The following RUNDC3B variants were observed in gnomAD, a reference collection of about 807,000 sequenced individuals.
RUNDC3B encodes RUN domain containing 3B.
Under a neutral mutation model 58.4 loss-of-function variants are expected in RUNDC3B, and 33 were observed. That is an observed-to-expected ratio of 0.56 (90% CI 0.43 to 0.75). The LOEUF (loss-of-function observed/expected upper bound fraction) is 0.75, where lower values mean the gene tolerates loss of function less well. Among genes scored for constraint, RUNDC3B ranks in the 30% least tolerant of loss-of-function variants. RUNDC3B has a pLI of 0.00. For missense variants in RUNDC3B, 501 were observed against 535.7 expected (o/e 0.94, Z 0.64); for synonymous variants, 193 against 195.2 (o/e 0.99, Z 0.10).
At chr7:87,808,002 G>A (rs577343569) in intron 9 of RUNDC3B, among the ~76,000 whole-genome samples, 1 of 152,180 alleles carries the variant, frequency 6.6e-6, no homozygotes, top group East Asian at 1.9e-4. Flanking sequence ...CGATGTTCAG[G>A]ACTATTTCAT....
At chr7:87,790,768 C>T (rs772533711) in intron 8 of RUNDC3B, among the ~76,000 whole-genome samples, 1 of 151,800 alleles carries the variant, frequency 6.6e-6, no homozygotes, top group Non-Finnish European at 1.5e-5. Flanking sequence ...AACTCAAAGA[C>T]AGGCTATTTG....
rs760509531 is a variant in RUNDC3B, at chr7:87,832,087, A to C, written c.*2057A>C. On this transcript the variant is annotated 3_prime_UTR_variant, in exon 11 of 11. Transcript: ENST00000394654. ...CTGTTATAAAATCAGGTTTCTACAG[A>C]GTTCGTTTCACACTAAAGGTAGTTT... 1 of 151,850 alleles carries C rather than the reference A, an allele frequency of 6.6e-6. No homozygotes were observed. Among genetic ancestry groups the C allele is most frequent in the Non-Finnish European group, 1.5e-5 (1 of 67,880 alleles). The allele number at this position is 151,850 out of a possible 1,614,324, so 9.4% of individuals were successfully genotyped here. A position where few individuals can be genotyped will look rare whatever the true frequency, so the allele number is the denominator to read the frequency against.
intron 1 of RUNDC3B, among the ~76,000 whole-genome samples, chr7:87,649,862 A>G (rs1823401018): frequency 6.6e-6 from 1 of 152,142 alleles, no homozygotes; most frequent in South Asian, 2.1e-4. Flanking sequence ...ATAGTTTTAT[A>G]AAGGAGAGTT....
intron 2 of RUNDC3B, among the ~76,000 whole-genome samples, chr7:87,699,097 A>T (rs1828773594): frequency 6.6e-6 from 1 of 152,198 alleles, no homozygotes; most frequent in African/African-American, 2.4e-5. Flanking sequence ...CATGGTTTGG[A>T]ACCACTCAGA....
intron 2 of RUNDC3B, among the ~76,000 whole-genome samples, chr7:87,672,824 A>G (rs2157929): frequency 0.1 from 15,874 of 151,594 alleles, 1,045 homozygotes; most frequent in African/African-American, 0.18. Context: ...GCTCTGCGTT[A>G]CTCCTGGGTG....
At chr7:87,639,614 T>C (rs1822225885) in intron 1 of RUNDC3B, among the ~76,000 whole-genome samples, 1 of 152,168 alleles carries the variant, frequency 6.6e-6, no homozygotes, top group South Asian at 2.1e-4. Context: ...TCCTAGTAGT[T>C]TGATTCATTG....
intron 1 of RUNDC3B, among the ~76,000 whole-genome samples, chr7:87,637,693 GA>G (rs1228864850): frequency 6.6e-6 from 1 of 151,808 alleles, no homozygotes; most frequent in Non-Finnish European, 1.5e-5. Context: ...TGAAATCATT[GA>G]AAACTTTTCA....
chr7:87,670,609 TC>T (rs1356385695), intron 2 of RUNDC3B, among the ~76,000 whole-genome samples: 1 of 152,244 alleles, frequency 6.6e-6, no homozygotes, highest in Non-Finnish European at 1.5e-5. Context: ...GTGTGGGTGT[TC>T]CTTTATCTGC....
intron 3 of RUNDC3B, among the ~76,000 whole-genome samples, chr7:87,702,233 G>A (rs1585145048): frequency 7.0e-6 from 1 of 142,050 alleles, no homozygotes; most frequent in East Asian, 2.0e-4. Context: ...ATAAAAATGT[G>A]TTATTTATGT....
At chr7:87,647,899 G>T (rs1220509748) in intron 1 of RUNDC3B, among the ~76,000 whole-genome samples, 1 of 152,046 alleles carries the variant, frequency 6.6e-6, no homozygotes, top group Non-Finnish European at 1.5e-5. Context: ...AATGGAAAAT[G>T]ATAGGCCAGG....
intron 3 of RUNDC3B, among the ~76,000 whole-genome samples, chr7:87,708,937 A>C (rs190358858): frequency 7.0e-4 from 106 of 152,280 alleles, no homozygotes; most frequent in Admixed American, 1.2e-3. Flanking sequence ...TTATTTTTTC[A>C]TAAACCTTCA....
At chr7:87,700,612 T>G in intron 3 of RUNDC3B, 58 bp downstream of exon 3, 1 of 1,513,834 alleles carries the variant, frequency 6.6e-7, no homozygotes, top group Admixed American at 1.9e-5. Flanking sequence ...GTATTTGGAA[T>G]AGCAGGAAGG....
At chr7:87,826,913 G>T (rs901578196) in intron 10 of RUNDC3B, among the ~76,000 whole-genome samples, 1 of 152,134 alleles carries the variant, frequency 6.6e-6, no homozygotes, top group East Asian at 1.9e-4. Flanking sequence ...GATTTGTCTA[G>T]TTGTATAAAG....
At chr7:87,829,372 G>A (rs950011484) in intron 10 of RUNDC3B, among the ~76,000 whole-genome samples, 3 of 151,658 alleles carry the variant, frequency 2.0e-5, no homozygotes, top group Non-Finnish European at 1.5e-5. Flanking sequence ...AAGGACTTAC[G>A]TCATAAATTC....
At chr7:87,701,434 G>T (rs994039822) in intron 3 of RUNDC3B, among the ~76,000 whole-genome samples, 34 of 152,262 alleles carry the variant, frequency 2.2e-4, no homozygotes, top group Non-Finnish European at 3.2e-4. Context: ...AAACATTGAT[G>T]TTGATATCAA....
intron 10 of RUNDC3B, among the ~76,000 whole-genome samples, chr7:87,829,432 AC>A (rs1325753337): frequency 1.3e-5 from 2 of 152,200 alleles, no homozygotes; most frequent in East Asian, 3.9e-4. Flanking sequence ...CTATCCCAGC[AC>A]CATTTATTGA....
intron 8 of RUNDC3B, among the ~76,000 whole-genome samples, chr7:87,802,386 C>T (rs554379509): frequency 1.3e-5 from 2 of 151,906 alleles, no homozygotes; most frequent in African/African-American, 2.4e-5. Context: ...CAGAGCAACC[C>T]TGTCTCAAAA....
rs1828952279 is a variant in RUNDC3B at position 87,700,679 on chromosome 7, T to G, written c.372+125T>G. On this transcript the variant is annotated intron_variant, in intron 3 of 10. Coordinates refer to ENST00000394654, the MANE Select transcript of RUNDC3B (RefSeq NM_001134405.2). ...TTAAGAAGCATAATAAAATACGTCC[T>G]GTTCTGTGATGTTTCTACATTTCTT... The G allele has an allele frequency of 5.0e-6, 4 of 793,108 alleles. No homozygotes were observed. In the Admixed American group the frequency reaches 1.1e-4, roughly 22 times the overall value. 49.1% of individuals were successfully genotyped at this position (793,108 alleles called of 1,614,324 possible). A position where few individuals can be genotyped will look rare whatever the true frequency, so the allele number is the denominator to read the frequency against.
intron 2 of RUNDC3B, among the ~76,000 whole-genome samples, chr7:87,673,540 G>A (rs142445557): frequency 2.5e-4 from 38 of 152,212 alleles, no homozygotes; most frequent in Admixed American, 2.3e-3. Flanking sequence ...TGAAATTCTC[G>A]AAGTGTGCAT....
Sources: gnomAD v4.1 joint callset for allele counts (sites outside exome capture counted in the v4.1 genomes callset) on GRCh38, gnomAD v4.1.1 for gene constraint, MANE v1.5 for transcripts, NCBI Gene and HGNC (gene_info 2026-07-23, HGNC 2026-07-21) for gene names.